KLF12: variants seen among roughly 807,000 people sequenced by gnomAD.
The protein encoded by KLF12 is KLF transcription factor 12, also known as Krueppel-like factor 12.
Under a neutral mutation model 37.8 loss-of-function variants are expected in KLF12, and 9 were observed. That is an observed-to-expected ratio of 0.24 (90% CI 0.14 to 0.42). KLF12 has a LOEUF of 0.42. Among genes scored for constraint, KLF12 ranks in the 10% least tolerant of loss-of-function variants. The pLI is 1.00. For missense variants in KLF12, 411 were observed against 516.0 expected, an observed-to-expected ratio of 0.80 and a Z score of 1.97; for synonymous variants, 208 against 202.1, an observed-to-expected ratio of 1.03 and a Z score of -0.25.
intron 3 of KLF12, among the ~76,000 whole-genome samples, chr13:73,879,546 C>T (rs185733825): frequency 6.6e-4 from 100 of 152,330 alleles, no homozygotes; most frequent in African/African-American, 2.4e-3. Flanking sequence ...AGTAAAACCA[C>T]AATAATTAAA....
chr13:74,028,124 ACTTTC>A (rs1426853231), intron 1 of KLF12, among the ~76,000 whole-genome samples: 7 of 152,322 alleles, frequency 4.6e-5, no homozygotes, highest in South Asian at 2.1e-4. Context: ...TTTGAAAGGC[ACTTTC>A]CTTTCAAGAG....
chr13:73,815,690 G>A lies in KLF12; in HGVS notation c.671-2403C>T, dbSNP rs139846140. On this transcript the variant is annotated intron_variant, in intron 4 of 7. Coordinates refer to ENST00000377669, the MANE Select transcript of KLF12 (RefSeq NM_007249.5). ...AAGTTGTTGAAACATCATGCACTACGATGCCTTTGCCAAGATACCAAATTT... is the reference window on the plus strand; with the variant it reads ...AAGTTGTTGAAACATCATGCACTACAATGCCTTTGCCAAGATACCAAATTT... Among the ~76,000 whole-genome samples the A allele has an allele frequency of 7.9e-3, 1,200 of 152,142 alleles. 6 individuals carry two copies. The highest frequency in any genetic ancestry group is 0.014 in the Non-Finnish European group (923 of 68,004).
chr13:73,848,245 C>T (rs1316181679), intron 3 of KLF12, among the ~76,000 whole-genome samples: 1 of 152,044 alleles, frequency 6.6e-6, no homozygotes, highest in Non-Finnish European at 1.5e-5. Context: ...GTAAAGAGTA[C>T]ATCACTGCAG....
chr13:74,217,587 C>T, the KLF12 span, among the ~76,000 whole-genome samples: 14 of 152,002 alleles, frequency 9.2e-5, no homozygotes, highest in Admixed American at 3.3e-4. Flanking sequence ...ATTAGCCGGG[C>T]GTGGTGGTGT....
chr13:73,799,301 T>C (rs1347768096), intron 5 of KLF12, among the ~76,000 whole-genome samples: 2 of 151,992 alleles, frequency 1.3e-5, no homozygotes, highest in South Asian at 2.1e-4. Flanking sequence ...AAGATAACTA[T>C]TGGGTACTGG....
At chr13:73,954,514 T>C (rs530962743) in intron 2 of KLF12, among the ~76,000 whole-genome samples, 6 of 152,292 alleles carry the variant, frequency 3.9e-5, no homozygotes, top group African/African-American at 1.4e-4. Context: ...TGACGTAGTG[T>C]TTGCCTTGTT....
the KLF12 span, among the ~76,000 whole-genome samples, chr13:74,229,931 G>A: frequency 6.6e-6 from 1 of 152,226 alleles, no homozygotes; most frequent in African/African-American, 2.4e-5. Context: ...AAAATGGAAA[G>A]AGGGAGAGAT....
At chr13:74,282,854 T>C in the KLF12 span, among the ~76,000 whole-genome samples, 1 of 152,238 alleles carries the variant, frequency 6.6e-6, no homozygotes, top group Admixed American at 6.5e-5. Flanking sequence ...TGAGTCTCAG[T>C]TTCCCCCCCT....
chr13:74,070,835 G>A (rs1232321244), intron 1 of KLF12, among the ~76,000 whole-genome samples: 3 of 152,080 alleles, frequency 2.0e-5, no homozygotes, highest in Admixed American at 2.0e-4. Context: ...TTATAGATAA[G>A]TAAAAGATAT....
At chr13:73,754,774 T>G (rs1247707938) in intron 6 of KLF12, among the ~76,000 whole-genome samples, 1 of 152,172 alleles carries the variant, frequency 6.6e-6, no homozygotes, top group Admixed American at 6.5e-5. Flanking sequence ...AAATCTCGTC[T>G]CACCTAGAGG....
the KLF12 span, chr13:74,258,797 C>T: frequency 6.6e-6 from 1 of 152,240 alleles, no homozygotes; most frequent in Non-Finnish European, 1.5e-5. Context: ...ACTGCTCAGA[C>T]TTAGTTTCCC....
chr13:73,736,011 A>T (rs752167994), intron 6 of KLF12, among the ~76,000 whole-genome samples: 4 of 150,926 alleles, frequency 2.7e-5, no homozygotes, highest in Non-Finnish European at 5.9e-5. Flanking sequence ...AACCAGTTGT[A>T]CTACCCAGGT....
At chr13:74,296,789 C>T in the KLF12 span, among the ~76,000 whole-genome samples, 8 of 152,092 alleles carry the variant, frequency 5.3e-5, no homozygotes, top group African/African-American at 1.9e-4. Flanking sequence ...CAAGCTAAAC[C>T]CCAAGCAAAT....
intron 4 of KLF12, 84 bp downstream of exon 4, chr13:73,845,743 T>G: frequency 4.1e-6 from 5 of 1,222,028 alleles, no homozygotes; most frequent in Non-Finnish European, 5.8e-6. Context: ...ATGTAGTGTT[T>G]GTATACAATT....
chr13:74,160,110 G>A, the KLF12 span, among the ~76,000 whole-genome samples: 364 of 152,046 alleles, frequency 2.4e-3, 3 homozygotes, highest in African/African-American at 8.6e-3. Flanking sequence ...TTGGCAATTT[G>A]GCTTATGAAT....
chr13:73,929,772 C>T (rs1025909605), intron 3 of KLF12, among the ~76,000 whole-genome samples: 1 of 152,172 alleles, frequency 6.6e-6, no homozygotes. Context: ...ATTGCACTTG[C>T]CCAAACAGCT....
intron 1 of KLF12, among the ~76,000 whole-genome samples, chr13:73,996,187 T>C (rs1892114563): frequency 1.3e-5 from 2 of 152,216 alleles, no homozygotes; most frequent in South Asian, 2.1e-4. Context: ...TCTCAAAACA[T>C]GTCCCCTAAT....
At chr13:74,034,736 G>A (rs957348671) in intron 1 of KLF12, among the ~76,000 whole-genome samples, 7 of 152,190 alleles carry the variant, frequency 4.6e-5, no homozygotes, top group Admixed American at 6.5e-5. Context: ...AAATCTTAGA[G>A]CATTATTTCT....
intron 4 of KLF12, among the ~76,000 whole-genome samples, chr13:73,818,134 A>G (rs541393077): frequency 1.5e-4 from 22 of 149,904 alleles, no homozygotes; most frequent in African/African-American, 5.6e-4. Context: ...TATGATGAAC[A>G]ACACTTATTT....
Sources: allele counts gnomAD v4.1 joint callset (sites outside exome capture counted in the v4.1 genomes callset), GRCh38; gene constraint gnomAD v4.1.1; transcripts MANE v1.5; gene names NCBI Gene and HGNC (gene_info 2026-07-23, HGNC 2026-07-21).